RERE: variants seen among roughly 807,000 people sequenced by gnomAD.
The protein encoded by RERE is arginine-glutamic acid dipeptide repeats.
In RERE, 40 loss-of-function variants were observed where a neutral mutation model predicts 146.1. The observed-to-expected ratio is 0.27, with a 90% CI of 0.21 to 0.36. The LOEUF (loss-of-function observed/expected upper bound fraction) is 0.36, where lower values mean the gene tolerates loss of function less well. Among genes scored for constraint, RERE ranks in the 10% least tolerant of loss-of-function variants. The probability of loss-of-function intolerance (pLI) is 1.00; values close to 1 mark genes in which losing one functional copy is unlikely to be tolerated. For missense variants in RERE, 1,933 were observed against 2,138.7 expected (o/e 0.90, Z 1.90); for synonymous variants, 1,003 against 866.0 (o/e 1.16, Z -2.78).
intron 1 of RERE, among the ~76,000 whole-genome samples, chr1:8,670,733 G>C (rs1007025251): frequency 2.0e-5 from 3 of 150,650 alleles, no homozygotes; most frequent in Non-Finnish European, 2.9e-5. Flanking sequence ...AACAGCAAAG[G>C]GACATGGTGG....
Position 8,361,404 on chromosome 1 carries a change from G to C in RERE, c.2103C>G (p.Pro701=). Residue 701 remains proline (P), a synonymous_variant, in exon 18 of 23, where the codon CCC becomes CCG. Coordinates refer to ENST00000400908, the MANE Select transcript of RERE (RefSeq NM_001042681.2). ...RSVNDEGSSD[P]KDIDQDNRST... ...TGCGATTGTCCTGGTCGATGTCTTT[G>C]GGGTCACTGCTACCCTCATCGTTGA... The C allele has an allele frequency of 1.2e-6, 2 of 1,613,886 alleles. No homozygotes were observed. The highest frequency in any genetic ancestry group is 1.7e-6 in the Non-Finnish European group (2 of 1,179,892).
At chr1:8,760,183 G>A (rs536592004) in intron 1 of RERE, among the ~76,000 whole-genome samples, 72 of 152,156 alleles carry the variant, frequency 4.7e-4, no homozygotes, top group Middle Eastern at 3.4e-3. Context: ...CCGCCACCGC[G>A]CCCAGCTAAT....
At chr1:8,613,879 TA>T (rs200642125) in intron 4 of RERE, among the ~76,000 whole-genome samples, 1 of 152,054 alleles carries the variant, frequency 6.6e-6, no homozygotes, top group Non-Finnish European at 1.5e-5. Flanking sequence ...TGAACTTTCC[TA>T]AAAAAAGGGA....
intron 1 of RERE, among the ~76,000 whole-genome samples, chr1:8,787,879 G>A (rs996195541): frequency 6.7e-6 from 1 of 148,358 alleles, no homozygotes; most frequent in Non-Finnish European, 1.5e-5. Flanking sequence ...TTCCTTTATC[G>A]TTCTTAATTT....
At chr1:8,774,456 C>T (rs549454669) in intron 1 of RERE, among the ~76,000 whole-genome samples, 6 of 147,806 alleles carry the variant, frequency 4.1e-5, no homozygotes, top group Admixed American at 1.4e-4. Flanking sequence ...TGGGTTCAAG[C>T]GATTCTCCTG....
intron 7 of RERE, among the ~76,000 whole-genome samples, chr1:8,524,771 T>A (rs1481185631): frequency 6.6e-6 from 1 of 152,194 alleles, no homozygotes; most frequent in African/African-American, 2.4e-5. Context: ...GTGAAAGCCA[T>A]CTGTCTGAAC....
chr1:8,481,846 G>A (rs1218016133), intron 10 of RERE, among the ~76,000 whole-genome samples: 1 of 152,192 alleles, frequency 6.6e-6, no homozygotes, highest in Non-Finnish European at 1.5e-5. Context: ...GTGATGAGCA[G>A]ACATTCTTAT....
intron 1 of RERE, among the ~76,000 whole-genome samples, chr1:8,771,235 G>T (rs1640942548): frequency 6.6e-6 from 1 of 152,010 alleles, no homozygotes; most frequent in Non-Finnish European, 1.5e-5. Flanking sequence ...AGAACTATTA[G>T]AAACTGGGCC....
intron 12 of RERE, among the ~76,000 whole-genome samples, chr1:8,401,512 C>T (rs1273844734): frequency 3.9e-5 from 6 of 151,992 alleles, no homozygotes; most frequent in African/African-American, 1.5e-4. Flanking sequence ...ATAATCCCAG[C>T]ACTTTGGGAG....
intron 7 of RERE, among the ~76,000 whole-genome samples, chr1:8,540,476 A>G (rs1570411703): frequency 1.3e-5 from 2 of 152,150 alleles, no homozygotes; most frequent in Non-Finnish European, 1.5e-5. Flanking sequence ...TCCAGAGCAT[A>G]TATTACTTGA....
chr1:8,697,424 A>T (rs1231684904), intron 1 of RERE, among the ~76,000 whole-genome samples: 5 of 117,280 alleles, frequency 4.3e-5, no homozygotes, highest in African/African-American at 1.7e-4. Context: ...ACGGAGTCTC[A>T]CTCTGTCCCC....
At chr1:8,422,169 G>C (rs1643919209) in intron 12 of RERE, among the ~76,000 whole-genome samples, 1 of 152,170 alleles carries the variant, frequency 6.6e-6, no homozygotes, top group Admixed American at 6.5e-5. Context: ...TTTTTGTAAA[G>C]CTCCATTTAA....
intron 12 of RERE, among the ~76,000 whole-genome samples, chr1:8,403,664 C>A (rs1643342731): frequency 6.6e-6 from 1 of 151,850 alleles, no homozygotes; most frequent in South Asian, 2.1e-4. Flanking sequence ...CAGCCCCCAG[C>A]CTATATTGCT....
chr1:8,363,971 T>C, intron 15 of RERE, 85 bp downstream of exon 15: 1 of 1,278,856 alleles, frequency 7.8e-7, no homozygotes. Flanking sequence ...AGACTTTCGC[T>C]TCCTCCCCCT....
At chr1:8,393,971 C>T (rs1036029383) in intron 12 of RERE, among the ~76,000 whole-genome samples, 1 of 152,142 alleles carries the variant, frequency 6.6e-6, no homozygotes, top group Non-Finnish European at 1.5e-5. Flanking sequence ...GGCTGGCCAC[C>T]TCCAATCTCC....
chr1:8,567,170 C>T (rs1013802284), intron 4 of RERE, among the ~76,000 whole-genome samples: 2 of 152,136 alleles, frequency 1.3e-5, no homozygotes, highest in African/African-American at 4.8e-5. Context: ...TCTGACTAGG[C>T]TGCTTACTGC....
chr1:8,548,531 G>T (rs1160544123), intron 6 of RERE, among the ~76,000 whole-genome samples: 1 of 152,172 alleles, frequency 6.6e-6, no homozygotes, highest in Non-Finnish European at 1.5e-5. Flanking sequence ...AACAAAAAGA[G>T]TCAATAAACG....
At position 8,360,867 on chromosome 1, in the gene RERE, T is replaced by A; in HGVS notation, c.2640A>T (p.Gln880His). The part of the protein sequence containing the change: ...QPFGLPPQAS[Q>H]GQAPLGTSPA... ...GGGAGGTCCCCAGAGGGGCCTGGCC[T>A]TGGGAGGCCTGGGGAGGGAGGCCAA... Residue 880 changes from glutamine (Q) to histidine (H), a missense_variant, in exon 18 of 23, where the codon CAA (glutamine) becomes CAT (histidine). Around this residue, in one of 11 missense-constraint regions of RERE, gnomAD observed 1,255 missense variants for 1,153.8 expected, o/e 1.09. Coordinates refer to ENST00000400908, the MANE Select transcript of RERE (RefSeq NM_001042681.2). The A allele has an allele frequency of 6.5e-7, 1 of 1,528,414 alleles. No individual in the cohort carries two copies. Among genetic ancestry groups the A allele is most frequent in the South Asian group, 1.2e-5 (1 of 83,416 alleles). The allele number at this position is 1,528,414 out of a possible 1,614,324, so 94.7% of individuals were successfully genotyped here.
chr1:8,549,988 A>G (rs571742989), intron 6 of RERE, among the ~76,000 whole-genome samples: 32 of 152,348 alleles, frequency 2.1e-4, no homozygotes, highest in Non-Finnish European at 3.5e-4. Context: ...GGGATCCCAT[A>G]TAAGATCCTA....
Sources: gnomAD v4.1 joint callset for allele counts (sites outside exome capture counted in the v4.1 genomes callset) on GRCh38, gnomAD v4.1.1 for gene constraint, gnomAD v4.1.1 regional missense constraint, MANE v1.5 for transcripts, NCBI Gene and HGNC (gene_info 2026-07-23, HGNC 2026-07-21) for gene names.